Variants in SGCZ observed in about 807,000 individuals in gnomAD.
SGCZ encodes zeta-sarcoglycan.
In SGCZ, 40 loss-of-function variants were observed where a neutral mutation model predicts 41.3. The ratio of observed to expected loss-of-function variants is 0.97; its 90% CI spans 0.75 to 1.26. The LOEUF (loss-of-function observed/expected upper bound fraction) is 1.26, where lower values mean the gene tolerates loss of function less well. SGCZ is among the 50% of genes most tolerant of loss of function. The pLI is 0.00. For synonymous variants in SGCZ, 206 were observed against 137.5 expected (o/e 1.50, Z -3.49); for missense variants, 552 against 369.8 (o/e 1.49, Z -4.04).
chr8:14,278,637 T>C (rs1800315186), intron 3 of SGCZ, among the ~76,000 whole-genome samples: 1 of 152,170 alleles, frequency 6.6e-6, no homozygotes, highest in Non-Finnish European at 1.5e-5. Flanking sequence ...ATATTGCTAT[T>C]TACCTAGCTG....
At chr8:14,349,147 G>A (rs1035905832) in intron 2 of SGCZ, among the ~76,000 whole-genome samples, 1 of 152,116 alleles carries the variant, frequency 6.6e-6, no homozygotes, top group African/African-American at 2.4e-5. Context: ...TATGTTGTCA[G>A]TAATAGGAAA....
At chr8:14,773,719 C>A (rs73531190) in intron 1 of SGCZ, among the ~76,000 whole-genome samples, 1 of 152,070 alleles carries the variant, frequency 6.6e-6, no homozygotes, top group African/African-American at 2.4e-5. Flanking sequence ...ACAGAGCTGT[C>A]TGGCTGATAT....
intron 2 of SGCZ, among the ~76,000 whole-genome samples, chr8:14,480,577 C>T (rs1172140019): frequency 4.1e-5 from 5 of 122,992 alleles, no homozygotes; most frequent in Non-Finnish European, 7.2e-5. Flanking sequence ...ATTCAATGTT[C>T]GTGTTTAATC....
intron 1 of SGCZ, among the ~76,000 whole-genome samples, chr8:14,584,905 A>G (rs906539773): frequency 6.6e-6 from 1 of 152,150 alleles, no homozygotes; most frequent in Non-Finnish European, 1.5e-5. Context: ...TAGGAAATTT[A>G]CTTACAGTCA....
intron 1 of SGCZ, among the ~76,000 whole-genome samples, chr8:15,119,999 T>C (rs1176107639): frequency 6.6e-6 from 1 of 152,148 alleles, no homozygotes; most frequent in Non-Finnish European, 1.5e-5. Flanking sequence ...TTGTTTTTTA[T>C]TGTTTGTAGA....
intron 2 of SGCZ, among the ~76,000 whole-genome samples, chr8:14,353,043 C>T (rs1236537334): frequency 1.3e-5 from 2 of 151,874 alleles, no homozygotes; most frequent in African/African-American, 2.4e-5. Flanking sequence ...ATGGACCAAC[C>T]AAAATTAGAA....
chr8:14,554,260 C>G (rs990674911), intron 2 of SGCZ, among the ~76,000 whole-genome samples: 34 of 151,856 alleles, frequency 2.2e-4, no homozygotes, highest in African/African-American at 8.0e-4. Flanking sequence ...AAATTCCAGG[C>G]TTTCAGATTC....
chr8:14,569,503 A>C lies in SGCZ; in HGVS notation c.40-14577T>G, dbSNP rs150727682. 1.7e-3 allele frequency among the ~76,000 whole-genome samples: 262 copies of C among 152,330 alleles called. 1 individual carries two copies. Among genetic ancestry groups the C allele is most frequent in the African/African-American group, 6.1e-3 (253 of 41,584 alleles). On this transcript the variant is annotated intron_variant, in intron 1 of 7. Coordinates refer to ENST00000382080, the MANE Select transcript of SGCZ (RefSeq NM_139167.4). Reference sequence around the variant, plus strand: ...TTATTTATGTATTAAACAAAAATTAACTTAGCATTTTCACTCAGGAAGCAC... The same window carrying C: ...TTATTTATGTATTAAACAAAAATTACCTTAGCATTTTCACTCAGGAAGCAC...
chr8:15,133,980 G>A (rs1212731744), intron 1 of SGCZ, among the ~76,000 whole-genome samples: 1 of 152,090 alleles, frequency 6.6e-6, no homozygotes, highest in Non-Finnish European at 1.5e-5. Flanking sequence ...AAATTATTCT[G>A]AGAAATTAAT....
chr8:15,103,348 C>A (rs1008014207), intron 1 of SGCZ, among the ~76,000 whole-genome samples: 2 of 152,008 alleles, frequency 1.3e-5, no homozygotes, highest in African/African-American at 4.8e-5. Flanking sequence ...CTGCAGTGAG[C>A]AGAGATGGCG....
chr8:14,956,039 CTTTTT>C (rs71884770), intron 1 of SGCZ, among the ~76,000 whole-genome samples: 1 of 120,224 alleles, frequency 8.3e-6, no homozygotes, highest in Non-Finnish European at 1.7e-5. Context: ...ACTACTTTTA[CTTTTT>C]TTTTTTTTTT....
chr8:14,598,517 T>A (rs1805487202), intron 1 of SGCZ, among the ~76,000 whole-genome samples: 1 of 151,906 alleles, frequency 6.6e-6, no homozygotes, highest in Non-Finnish European at 1.5e-5. Flanking sequence ...ACACATAGTT[T>A]TATATATATA....
intron 1 of SGCZ, among the ~76,000 whole-genome samples, chr8:14,744,992 A>G (rs527937905): frequency 2.6e-5 from 4 of 152,102 alleles, no homozygotes; most frequent in African/African-American, 9.7e-5. Flanking sequence ...CATCATTATG[A>G]CCCTAACACT....
At chr8:14,694,865 G>C (rs1343307881) in intron 1 of SGCZ, among the ~76,000 whole-genome samples, 1 of 152,048 alleles carries the variant, frequency 6.6e-6, no homozygotes, top group South Asian at 2.1e-4. Context: ...TCAGTAGTTT[G>C]TGTCTTCAAA....
At chr8:15,009,887 A>G (rs766166887) in intron 1 of SGCZ, among the ~76,000 whole-genome samples, 8 of 152,364 alleles carry the variant, frequency 5.3e-5, no homozygotes, top group Non-Finnish European at 1.0e-4. Flanking sequence ...GCAAATTTAT[A>G]TAACTCTGAT....
chr8:15,233,714 C>G (rs1802033552), intron 1 of SGCZ, among the ~76,000 whole-genome samples: 1 of 151,972 alleles, frequency 6.6e-6, no homozygotes, highest in East Asian at 1.9e-4. Flanking sequence ...TCAAGATTAA[C>G]TATGTAGTTT....
At chr8:14,412,554 CA>C (rs2117280596) in intron 2 of SGCZ, among the ~76,000 whole-genome samples, 1 of 152,182 alleles carries the variant, frequency 6.6e-6, no homozygotes, top group Admixed American at 6.6e-5. Flanking sequence ...ATCTAGTCAT[CA>C]GGTAAAAACA....
chr8:15,200,222 T>A (rs1585666976), intron 1 of SGCZ, among the ~76,000 whole-genome samples: 1 of 152,360 alleles, frequency 6.6e-6, no homozygotes, highest in South Asian at 2.1e-4. Context: ...CATCTGTAGC[T>A]TTGGACTCAT....
At chr8:15,195,044 CA>C (rs981757027) in intron 1 of SGCZ, among the ~76,000 whole-genome samples, 4 of 151,994 alleles carry the variant, frequency 2.6e-5, no homozygotes, top group African/African-American at 9.7e-5. Flanking sequence ...TATTGCCATC[CA>C]AAAAAATAAA....
Sources: gnomAD v4.1 joint callset for allele counts (sites outside exome capture counted in the v4.1 genomes callset) on GRCh38, gnomAD v4.1.1 for gene constraint, MANE v1.5 for transcripts, NCBI Gene and HGNC (gene_info 2026-07-23, HGNC 2026-07-21) for gene names.